ZAN: variants seen among roughly 807,000 people sequenced by gnomAD.
ZAN encodes the protein zonadhesin.
ZAN carries 260 observed loss-of-function variants against 286.2 expected under a neutral mutation model. The ratio of observed to expected loss-of-function variants is 0.91; its 90% CI spans 0.82 to 1.01. The LOEUF (loss-of-function observed/expected upper bound fraction) is 1.01. ZAN is among the 50% of genes least tolerant of loss of function. The pLI is 0.00. For missense variants in ZAN, 3,410 were observed against 3,639.2 expected (o/e 0.94, Z 1.62); for synonymous variants, 1,368 against 1,417.5 (o/e 0.97, Z 0.79).
rs1415429967 is a variant in ZAN at position 100,784,668 on chromosome 7, C to T, written c.6668C>T (p.Ser2223Phe). 3 of 1,613,890 alleles carry T rather than the reference C, an allele frequency of 1.9e-6. No individual in the cohort carries two copies. Among genetic ancestry groups the T allele is most frequent in the Non-Finnish European group, 2.5e-6 (3 of 1,179,902 alleles). Residue 2223 changes from serine to phenylalanine, a missense_variant, in exon 36 of 48, where the codon TCC becomes TTC. Physicochemically the swap from Ser to Phe is radical, Grantham distance 155 (BLOSUM62 -2). This residue lies in a region of ZAN where 1,289 missense variants were observed against 1,314.3 expected (regional missense o/e 0.98). Transcript: ENST00000613979. ...AGCAGCTACACCAACTGCCTTCCCT[C>T]CTGCTCACCCTCCTGCTGGGACCTG... ...AYSSYTNCLP[S>F]CSPSCWDLDG...
chr7:100,763,983 A>G lies in ZAN; in HGVS notation c.4098-44A>G. 1.2e-6 allele frequency: 2 copies of G among 1,613,248 alleles called. No individual in the cohort carries two copies. The highest frequency in any genetic ancestry group is 2.2e-5 in the East Asian group (1 of 44,862). Reference sequence around the variant, plus strand: ...GGCACCTGGGCTCCTCCAAGGCTCTACCCCCTTCCACTGCATTCCCCCTGA... The same window carrying G: ...GGCACCTGGGCTCCTCCAAGGCTCTGCCCCCTTCCACTGCATTCCCCCTGA... On this transcript the variant is annotated intron_variant, in intron 21 of 47. Coordinates refer to ENST00000613979, the MANE Select transcript of ZAN (RefSeq NM_003386.3). The surrounding 1 kb of genome is among the most constrained non-coding windows in gnomAD (Gnocchi z 4.6).
chr7:100,745,303 G>A lies in ZAN; in HGVS notation c.767-1235G>A, dbSNP rs892222269. Among the ~76,000 whole-genome samples the A allele has an allele frequency of 2.0e-5, 3 of 151,032 alleles. 1 individual carries two copies. The highest frequency in any genetic ancestry group is 7.3e-5 in the African/African-American group (3 of 40,908). On this transcript the variant is annotated intron_variant, in intron 7 of 47. Coordinates refer to ENST00000613979, the MANE Select transcript of ZAN (RefSeq NM_003386.3). ...CCATTCCCGCCATTCCAGCCTCTTC[G>A]CCGCCGCTCAGGATCCCACCTTCGG...
At chr7:100,791,769 C>G (rs976870635) in intron 40 of ZAN, among the ~76,000 whole-genome samples, 197 bp from the exon 41 acceptor site, 17 of 151,956 alleles carry the variant, frequency 1.1e-4, no homozygotes, top group African/African-American at 3.9e-4. Flanking sequence ...GCTCTGTTAC[C>G]CAGGCTGGAG....
rs913654888 is a variant in ZAN at position 100,791,249 on chromosome 7, C to T, written c.7529+136C>T. The T allele has an allele frequency of 9.3e-6, 11 of 1,178,160 alleles. No individual in the cohort carries two copies. The Admixed American group carries it at 1.0e-4, about 11-fold the overall frequency. 73.0% of individuals were successfully genotyped at this position (1,178,160 alleles called of 1,614,324 possible). A position where few individuals can be genotyped will look rare whatever the true frequency, so the allele number is the denominator to read the frequency against. Reference sequence around the variant, plus strand: ...AGATAGGCCTGGATCCTCCCAATTCCGTCATTCCCTCTCATCTGACTCTGG... The same window carrying T: ...AGATAGGCCTGGATCCTCCCAATTCTGTCATTCCCTCTCATCTGACTCTGG... On this transcript the variant is annotated intron_variant, in intron 40 of 47. Transcript: ENST00000613979.
Position 100,787,912 on chromosome 7 carries a change from G to T in ZAN, c.7003G>T (p.Gly2335Cys). The stretch of plus-strand genomic sequence containing the variant: ...AGAGTCTGAACAATGCTCAGTCTAT[G>T]GCGACCCCCGTTACCTCACATTTGA... ...SDKSEQCSVY[G>C]DPRYLTFDGF... The change falls in exon 38 of 48, where the codon GGC becomes TGC. Residue 2335 changes from glycine (G) to cysteine (C), a missense_variant. Physicochemically the swap from Gly to Cys is radical, Grantham distance 159. Coordinates refer to ENST00000613979, the MANE Select transcript of ZAN (RefSeq NM_003386.3). The T allele has an allele frequency of 6.5e-7, 1 of 1,545,708 alleles. No individual in the cohort carries two copies. The highest frequency in any genetic ancestry group is 1.2e-5 in the South Asian group (1 of 83,104).
At chr7:100,759,943 A>C in intron 18 of ZAN, 98 bp downstream of exon 18, 1 of 1,470,138 alleles carries the variant, frequency 6.8e-7, no homozygotes. Context: ...GGGGTTCAAC[A>C]AGACAGTGAC....
chr7:100,751,136 A>T (rs764135162), intron 12 of ZAN, 46 bp from the exon 13 acceptor site: 1 of 1,484,134 alleles, frequency 6.7e-7, no homozygotes, highest in Non-Finnish European at 9.1e-7. Context: ...GTTGCTGGAG[A>T]TTCATTTTTG....
chr7:100,783,196 A>T (rs951709449), intron 35 of ZAN, among the ~76,000 whole-genome samples: 2 of 152,030 alleles, frequency 1.3e-5, no homozygotes, highest in African/African-American at 2.4e-5. Context: ...TGAACCTGGG[A>T]GGTGGAGGTT....
chr7:100,760,491 G>A lies in ZAN; in HGVS notation c.3797G>A (p.Arg1266Gln), dbSNP rs761756820. The change falls in exon 19 of 48, where the codon CGG becomes CAG. Residue 1266 changes from arginine (R) to glutamine (Q), a missense_variant. Coordinates refer to ENST00000613979, the MANE Select transcript of ZAN (RefSeq NM_003386.3). Reference sequence around the variant, plus strand: ...GAGCTGCAGACGGAGTTCGGTTTGCGGGTGAGATGGGATGGTGACCAGCAG... The same window carrying A: ...GAGCTGCAGACGGAGTTCGGTTTGCAGGTGAGATGGGATGGTGACCAGCAG... ...FVELQTEFGL[R>Q]VRWDGDQQLY... 1.2e-5 allele frequency: 19 copies of A among 1,613,760 alleles called. No individual in the cohort carries two copies. In the Admixed American group the frequency reaches 1.7e-4, roughly 14 times the overall value.
At position 100,776,443 on chromosome 7, in the gene ZAN, T is replaced by G; in HGVS notation, c.6196T>G (p.Cys2066Gly). Reference protein sequence around the residue: ...EIPTTYYGKVCGMCGNFNDEE... With the variant: ...EIPTTYYGKVGGMCGNFNDEE... ...AAAAACCACTCTCCCCCGCCAGGTC[T>G]GCGGCATGTGTGGGAACTTCAATGA... Residue 2066 changes from cysteine to glycine, a missense_variant, in exon 34 of 48, where the codon TGC becomes GGC. By Grantham distance (159) the Cys-to-Gly change is radical (BLOSUM62 -3). Transcript: ENST00000613979. 1 of 1,605,652 alleles carries G rather than the reference T, an allele frequency of 6.2e-7. No homozygotes were observed. Among genetic ancestry groups the G allele is most frequent in the Non-Finnish European group, 8.5e-7 (1 of 1,176,010 alleles).
intron 35 of ZAN, 42 bp from the exon 36 acceptor site, chr7:100,784,581 C>A: frequency 6.2e-7 from 1 of 1,605,108 alleles, no homozygotes; most frequent in Non-Finnish European, 8.5e-7. Context: ...CCTTGGCCCC[C>A]TGTGACCCTC....
intron 34 of ZAN, among the ~76,000 whole-genome samples, chr7:100,777,308 G>A (rs900856895): frequency 7.9e-5 from 12 of 151,960 alleles, no homozygotes; most frequent in African/African-American, 2.9e-4. Context: ...GCCTCCCGAA[G>A]TGCTGGGTAA....
Position 100,791,042 on chromosome 7 carries a change from G to A in ZAN, c.7458G>A (p.Leu2486=). ...ACATGATGCTGCCCAGTGGCGCCCT[G>A]ACCCAGAACCTCAACACCTTTGGCA... ...KNDMMLPSGA[L]TQNLNTFGNS... Residue 2486 remains leucine, a synonymous_variant, in exon 40 of 48, where the codon CTG becomes CTA. Transcript: ENST00000613979. The A allele has an allele frequency of 6.2e-7, 1 of 1,613,104 alleles. No individual in the cohort carries two copies. The highest frequency in any genetic ancestry group is 1.7e-5 in the Admixed American group (1 of 59,878).
At chr7:100,749,649 A>AT (rs1305913115) in intron 11 of ZAN, among the ~76,000 whole-genome samples, 2,231 of 125,374 alleles carry the variant, frequency 0.018, 81 homozygotes, top group South Asian at 0.12. Context: ...CAAAAAAAAA[A>AT]AAATATATAT....
intron 11 of ZAN, among the ~76,000 whole-genome samples, chr7:100,749,278 A>G (rs1023605098): frequency 2.8e-4 from 42 of 147,398 alleles, no homozygotes; most frequent in African/African-American, 1.1e-3. Flanking sequence ...GGAGGTGGAG[A>G]CTGCAGTGAG....
In ZAN at chr7:100,752,091, C is replaced by A. The variant is rs749788460; in HGVS notation, c.1986C>A (p.Thr662=). ...EKPTVPTEEP[T]TPTEETTTSM... ...CCACCGTCCCCACAGAAGAGCCCAC[C>A]ACCCCCACTGAGGAGACCACCACCT... The change falls in exon 14 of 48, where the codon ACC becomes ACA. Residue 662 remains threonine (T), a synonymous_variant. Coordinates refer to ENST00000613979, the MANE Select transcript of ZAN (RefSeq NM_003386.3). 3.1e-6 allele frequency: 5 copies of A among 1,612,726 alleles called. No individual in the cohort carries two copies. Among genetic ancestry groups the A allele is most frequent in the Non-Finnish European group, 4.2e-6 (5 of 1,179,662 alleles).
rs1402693709 is a variant in ZAN at position 100,794,326 on chromosome 7, T to C, written c.8125+68T>C. 3 of 1,524,082 alleles carry C rather than the reference T, an allele frequency of 2.0e-6. No homozygotes were observed. The Admixed American group carries it at 6.4e-5, about 32-fold the overall frequency. 94.4% of individuals were successfully genotyped at this position (1,524,082 alleles called of 1,614,324 possible). ...TGGGGCGTCCATGGACCAAGGATCG[T>C]CCCCTCCTTGTCCTCAGGACTCTTC... On this transcript the variant is annotated intron_variant, in intron 44 of 47. Coordinates refer to ENST00000613979, the MANE Select transcript of ZAN (RefSeq NM_003386.3).
At chr7:100,786,966 G>A (rs764433169) in intron 37 of ZAN, among the ~76,000 whole-genome samples, 10 of 151,932 alleles carry the variant, frequency 6.6e-5, no homozygotes, top group African/African-American at 1.9e-4. Flanking sequence ...GGAGACTGAC[G>A]CAGGAGAATT....
At chr7:100,794,682 G>GA (rs1218390777) in intron 44 of ZAN, among the ~76,000 whole-genome samples, 1 of 151,800 alleles carries the variant, frequency 6.6e-6, no homozygotes, top group Non-Finnish European at 1.5e-5. Flanking sequence ...AAAAATTAAA[G>GA]AAAAAAAGAG....
Sources: gnomAD v4.1 joint callset for allele counts (sites outside exome capture counted in the v4.1 genomes callset) on GRCh38, gnomAD v4.1.1 for gene constraint, gnomAD v4.1.1 regional missense constraint, Gnocchi (gnomAD v3.1) non-coding constraint, MANE v1.5 for transcripts, NCBI Gene and HGNC (gene_info 2026-07-23, HGNC 2026-07-21) for gene names.